Variants in TMEM178B observed in about 807,000 individuals in gnomAD.
TMEM178B encodes the protein transmembrane protein 178B.
A neutral mutation model predicts 31.0 loss-of-function variants in TMEM178B; 5 were observed. The observed-to-expected ratio is 0.16, with a 90% CI of 0.08 to 0.34. The LOEUF (loss-of-function observed/expected upper bound fraction) is 0.34. Ranked by LOEUF, TMEM178B falls within the 10% of genes least tolerant of loss-of-function variation. The pLI is 1.00. For missense variants in TMEM178B, 275 were observed against 400.3 expected (o/e 0.69, Z 2.67); for synonymous variants, 164 against 164.0 (o/e 1.00, Z 0.00).
intron 1 of TMEM178B, among the ~76,000 whole-genome samples, chr7:141,193,034 T>C: frequency 6.6e-6 from 1 of 152,240 alleles, no homozygotes; most frequent in East Asian, 1.9e-4. Context: ...TATCTAATTG[T>C]TCCACTCTGG....
intron 2 of TMEM178B, among the ~76,000 whole-genome samples, chr7:141,256,242 AAACTT>A (rs1797926097): frequency 6.6e-6 from 1 of 152,260 alleles, no homozygotes; most frequent in African/African-American, 2.4e-5. Flanking sequence ...ATAAACAAGT[AAACTT>A]AAATTAAAAG....
chr7:141,131,087 C>T (rs1338229791), intron 1 of TMEM178B, among the ~76,000 whole-genome samples: 1 of 152,154 alleles, frequency 6.6e-6, no homozygotes, highest in African/African-American at 2.4e-5. Flanking sequence ...TGCTTTTTTA[C>T]AGGAGAGCTA....
intron 2 of TMEM178B, among the ~76,000 whole-genome samples, chr7:141,217,230 C>G (rs769785102): frequency 1.3e-5 from 2 of 152,186 alleles, no homozygotes; most frequent in African/African-American, 2.4e-5. Context: ...GAGGCCATCC[C>G]CAGTAGCTCT....
At chr7:141,323,121 C>T (rs962440941) in intron 2 of TMEM178B, among the ~76,000 whole-genome samples, 8 of 152,150 alleles carry the variant, frequency 5.3e-5, no homozygotes, top group Non-Finnish European at 7.3e-5. Flanking sequence ...TAAGTTTAGT[C>T]AGGCTCTCTG....
intron 2 of TMEM178B, among the ~76,000 whole-genome samples, chr7:141,284,092 A>T (rs1036089053): frequency 5.3e-5 from 8 of 152,216 alleles, no homozygotes; most frequent in Non-Finnish European, 1.2e-4. Flanking sequence ...ATGCATTTCT[A>T]CATGGTTGAT....
At chr7:141,263,846 AG>A (rs1000065295) in intron 2 of TMEM178B, among the ~76,000 whole-genome samples, 1 of 152,220 alleles carries the variant, frequency 6.6e-6, no homozygotes, top group Admixed American at 6.5e-5. Context: ...ATAGTTCTGT[AG>A]AAGGATGCAT....
intron 1 of TMEM178B, among the ~76,000 whole-genome samples, chr7:141,211,902 G>C (rs1797058160): frequency 6.6e-6 from 1 of 152,180 alleles, no homozygotes; most frequent in Non-Finnish European, 1.5e-5. Flanking sequence ...AGTTCCTAGG[G>C]AATGCTGATG....
intron 1 of TMEM178B, among the ~76,000 whole-genome samples, chr7:141,089,590 G>A (rs185568143): frequency 5.5e-4 from 84 of 152,264 alleles, no homozygotes; most frequent in African/African-American, 1.7e-3. Flanking sequence ...ATTCACAATA[G>A]CAAAGACTTG....
At chr7:141,504,526 G>A in the TMEM178B span, among the ~76,000 whole-genome samples, 2 of 152,166 alleles carry the variant, frequency 1.3e-5, no homozygotes, top group South Asian at 2.1e-4. Flanking sequence ...AGAAGTGTTC[G>A]TAGGTTTGAT....
chr7:141,469,355 C>T lies in TMEM178B; in HGVS notation c.635-1181C>T, dbSNP rs377024019. On this transcript the variant is annotated intron_variant, in intron 3 of 3. Transcript: ENST00000565468. ...TCAACTGTGGCCATTTAAATTATCA[C>T]GAGCTGGTGAGCCTCATTCTTCCAC... is the stretch of plus-strand genomic sequence containing the variant. Among the ~76,000 whole-genome samples the T allele has an allele frequency of 1.7e-4, 26 of 152,262 alleles. 1 individual carries two copies. The highest frequency in any genetic ancestry group is 4.6e-4 in the African/African-American group (19 of 41,542).
chr7:141,294,331 A>G lies in TMEM178B; in HGVS notation c.496+81627A>G, dbSNP rs978987601. ...TATTTGAATACAGAAAAGAGAACGC[A>G]GCCCTTCTGAGACAGCCAGGCCTTT... On this transcript the variant is annotated intron_variant, in intron 2 of 3. Coordinates refer to ENST00000565468, the MANE Select transcript of TMEM178B (RefSeq NM_001195278.2). 2.0e-5 allele frequency among the ~76,000 whole-genome samples: 3 copies of G among 152,314 alleles called. No individual in the cohort carries two copies. The East Asian group carries it at 5.8e-4, about 29-fold the overall frequency.
chr7:141,311,428 A>C (rs1371908139), intron 2 of TMEM178B, among the ~76,000 whole-genome samples: 3 of 152,200 alleles, frequency 2.0e-5, no homozygotes, highest in African/African-American at 7.2e-5. Context: ...ATACTGGCTA[A>C]TATGCTTTGC....
At chr7:141,204,103 G>A (rs1796923773) in intron 1 of TMEM178B, among the ~76,000 whole-genome samples, 1 of 152,206 alleles carries the variant, frequency 6.6e-6, no homozygotes, top group South Asian at 2.1e-4. Flanking sequence ...ACTCCTCTAA[G>A]TCATTGTTCT....
chr7:141,245,556 C>T (rs1445259847), intron 2 of TMEM178B, among the ~76,000 whole-genome samples: 2 of 152,150 alleles, frequency 1.3e-5, no homozygotes, highest in African/African-American at 2.4e-5. Flanking sequence ...GAGAAATCAC[C>T]GAGGTCTTAG....
intron 1 of TMEM178B, among the ~76,000 whole-genome samples, chr7:141,192,944 C>T (rs780017557): frequency 3.9e-5 from 6 of 152,162 alleles, no homozygotes; most frequent in African/African-American, 1.4e-4. Context: ...TTTTAAAAAT[C>T]TTAATGTATT....
chr7:141,263,413 A>G (rs1053503941), intron 2 of TMEM178B, among the ~76,000 whole-genome samples: 5 of 152,108 alleles, frequency 3.3e-5, no homozygotes, highest in African/African-American at 7.2e-5. Context: ...ATTGCTTCCA[A>G]TTCACCACCT....
intron 2 of TMEM178B, among the ~76,000 whole-genome samples, chr7:141,215,545 C>A (rs1797119222): frequency 6.6e-6 from 1 of 151,462 alleles, no homozygotes; most frequent in South Asian, 2.1e-4. Flanking sequence ...AGGCTGGTCT[C>A]AAATTCCTGA....
intron 1 of TMEM178B, among the ~76,000 whole-genome samples, chr7:141,142,411 C>CTTTTTTTTTTTTTTTT (rs536091548): frequency 7.3e-6 from 1 of 137,256 alleles, no homozygotes. Context: ...TCTTTTCTTT[C>CTTTTTTTTTTTTTTTT]TTTTTTTTTT....
At chr7:141,499,276 G>A in the TMEM178B span, among the ~76,000 whole-genome samples, 2 of 151,942 alleles carry the variant, frequency 1.3e-5, no homozygotes, top group African/African-American at 4.8e-5. Flanking sequence ...ATATGAAGGG[G>A]GTGACTCTTA....
Sources: gnomAD v4.1 joint callset for allele counts (sites outside exome capture counted in the v4.1 genomes callset) on GRCh38, gnomAD v4.1.1 for gene constraint, MANE v1.5 for transcripts, NCBI Gene and HGNC (gene_info 2026-07-23, HGNC 2026-07-21) for gene names.